Variants in TTLL5 observed in about 807,000 individuals in gnomAD.
The protein encoded by TTLL5 is tubulin polyglutamylase TTLL5.
TTLL5 carries 132 observed loss-of-function variants against 168.4 expected under a neutral mutation model. That is an observed-to-expected ratio of 0.78 (90% CI 0.68 to 0.91). TTLL5 has a LOEUF of 0.91. TTLL5 is among the 40% of genes least tolerant of loss of function. The pLI is 0.00. For missense variants in TTLL5, 1,545 were observed against 1,581.5 expected (o/e 0.98, Z 0.39); for synonymous variants, 546 against 558.6 (o/e 0.98, Z 0.32).
At chr14:75,681,473 A>G in intron 3 of TTLL5, 72 bp from the exon 4 acceptor site, 3 of 1,201,976 alleles carry the variant, frequency 2.5e-6, no homozygotes, top group Middle Eastern at 1.9e-4. Context: ...TAATTAAGCC[A>G]CCATGTTACA....
At chr14:75,834,852 G>A (rs1004478069) in intron 28 of TTLL5, among the ~76,000 whole-genome samples, 11 of 152,092 alleles carry the variant, frequency 7.2e-5, no homozygotes, top group Admixed American at 3.3e-4. Context: ...AATCACTTGA[G>A]CCCAGGAGTT....
At chr14:75,882,541 C>T in intron 29 of TTLL5, 144 bp from the exon 30 acceptor site, 2 of 667,726 alleles carry the variant, frequency 3.0e-6, no homozygotes. Context: ...GCACTGGCAA[C>T]ATTAGAGAAG....
intron 9 of TTLL5, among the ~76,000 whole-genome samples, chr14:75,713,590 AC>A (rs1347360680): frequency 6.6e-6 from 1 of 152,244 alleles, no homozygotes; most frequent in Non-Finnish European, 1.5e-5. Flanking sequence ...TGGTGTTGAA[AC>A]TTCAGACCTA....
intron 27 of TTLL5, among the ~76,000 whole-genome samples, chr14:75,806,075 C>A (rs1566612155): frequency 6.7e-6 from 1 of 150,308 alleles, no homozygotes; most frequent in Non-Finnish European, 1.5e-5. Context: ...GTTGCTCAGA[C>A]TGGAGTGCAG....
At chr14:75,727,092 T>C (rs889857419) in intron 12 of TTLL5, among the ~76,000 whole-genome samples, 1 of 152,136 alleles carries the variant, frequency 6.6e-6, no homozygotes, top group Non-Finnish European at 1.5e-5. Flanking sequence ...TGGACTACAA[T>C]TGAGAGAGGC....
rs568160303 is a variant in TTLL5, at chr14:75,692,151, G to T, written c.502+1829G>T. 9.2e-5 allele frequency among the ~76,000 whole-genome samples: 14 copies of T among 152,304 alleles called. No homozygotes were observed. The South Asian group carries it at 2.9e-3, about 32-fold the overall frequency. On this transcript the variant is annotated intron_variant, in intron 6 of 31. Transcript: ENST00000298832. ...CTTAATGTCCGCATCTATAAAATGG[G>T]AGTATTGCTGGTGCTGACCTTATAA...
At chr14:75,739,725 T>C (rs942233474) in intron 15 of TTLL5, among the ~76,000 whole-genome samples, 8 of 152,168 alleles carry the variant, frequency 5.3e-5, no homozygotes, top group African/African-American at 1.9e-4. Flanking sequence ...AATTCCCACA[T>C]CTGTCATATG....
At chr14:75,805,509 G>C (rs1001614813) in intron 27 of TTLL5, among the ~76,000 whole-genome samples, 2 of 151,944 alleles carry the variant, frequency 1.3e-5, no homozygotes, top group African/African-American at 4.8e-5. Flanking sequence ...CTTTCCCCTG[G>C]GATAAAGTTC....
At chr14:75,929,447 C>CTT (rs370380415) in intron 31 of TTLL5, among the ~76,000 whole-genome samples, 21,261 of 120,758 alleles carry the variant, frequency 0.18, 3,337 homozygotes, top group African/African-American at 0.37. Context: ...ATAAAGATAC[C>CTT]TTTTTTTTTT....
chr14:75,809,789 G>A (rs1893885891), intron 27 of TTLL5, among the ~76,000 whole-genome samples: 1 of 151,846 alleles, frequency 6.6e-6, no homozygotes, highest in African/African-American at 2.4e-5. Flanking sequence ...CACTCTTTTA[G>A]TTCCCAGATA....
chr14:75,733,149 C>T (rs1346049646), intron 13 of TTLL5, among the ~76,000 whole-genome samples: 2 of 152,220 alleles, frequency 1.3e-5, no homozygotes, highest in Non-Finnish European at 2.9e-5. Flanking sequence ...GGGAGTTTGG[C>T]TTAACCTCCA....
At chr14:75,712,511 A>C (rs1887154908) in intron 9 of TTLL5, 1 of 150,718 alleles carries the variant, frequency 6.6e-6, no homozygotes, top group Non-Finnish European at 1.5e-5. Flanking sequence ...CAAAAAAAAA[A>C]AAAAAGAACA....
Position 75,863,841 on chromosome 14 carries a change from C to T in TTLL5, c.3501C>T (p.Asp1167=). ...AACTTCAGTCCCGGCAGCTCCTGGA[C>T]CAGAGTCGAGCCCGGCACCAGGTAA... ...QQKLQSRQLL[D]QSRARHQAIF... is the part of the protein sequence containing the mutation. The change falls in exon 29 of 32, where the codon GAC becomes GAT. Residue 1167 remains aspartate, a synonymous_variant. Coordinates refer to ENST00000298832, the MANE Select transcript of TTLL5 (RefSeq NM_015072.5). The T allele has an allele frequency of 6.3e-7, 1 of 1,584,574 alleles. No homozygotes were observed. The highest frequency in any genetic ancestry group is 1.1e-5 in the South Asian group (1 of 90,362).
At chr14:75,754,168 G>A (rs1013538131) in intron 18 of TTLL5, among the ~76,000 whole-genome samples, 1 of 152,014 alleles carries the variant, frequency 6.6e-6, no homozygotes, top group African/African-American at 2.4e-5. Context: ...GTTTAATTAA[G>A]TTTTTTATTT....
intron 3 of TTLL5, among the ~76,000 whole-genome samples, chr14:75,674,832 A>G (rs921523385): frequency 2.6e-5 from 4 of 152,146 alleles, no homozygotes; most frequent in African/African-American, 9.7e-5. Flanking sequence ...GTAAAAGGAA[A>G]CAGGTAGGTG....
rs536469418 is a variant in TTLL5, at chr14:75,933,696, C to T, written c.3824-20728C>T. On this transcript the variant is annotated intron_variant, in intron 31 of 31. Coordinates refer to ENST00000298832, the MANE Select transcript of TTLL5 (RefSeq NM_015072.5). ...GCTGTTATGGACTGAATTGTGTCCA[C>T]CTCAAAATTCATATGTTGAAGCCCT... Among the ~76,000 whole-genome samples the T allele has an allele frequency of 3.3e-5, 5 of 152,298 alleles. No individual in the cohort carries two copies. In the South Asian group the frequency reaches 1.0e-3, roughly 32 times the overall value.
At chr14:75,878,125 A>G (rs537344943) in intron 29 of TTLL5, among the ~76,000 whole-genome samples, 1 of 152,336 alleles carries the variant, frequency 6.6e-6, no homozygotes, top group South Asian at 2.1e-4. Flanking sequence ...GTATTTGGAA[A>G]GAGTGTCTGC....
intron 28 of TTLL5, among the ~76,000 whole-genome samples, chr14:75,862,142 A>G (rs898644931): frequency 1.3e-5 from 2 of 152,206 alleles, no homozygotes; most frequent in African/African-American, 4.8e-5. Flanking sequence ...TTCACTTAGC[A>G]TAATGTCTTC....
intron 18 of TTLL5, among the ~76,000 whole-genome samples, chr14:75,761,388 C>T (rs1890640107): frequency 6.6e-6 from 1 of 152,160 alleles, no homozygotes; most frequent in South Asian, 2.1e-4. Context: ...CACAAAACAG[C>T]TTGTACAAAT....
Sources: gnomAD v4.1 joint callset for allele counts (sites outside exome capture counted in the v4.1 genomes callset) on GRCh38, gnomAD v4.1.1 for gene constraint, MANE v1.5 for transcripts, NCBI Gene and HGNC (gene_info 2026-07-23, HGNC 2026-07-21) for gene names.